Variants in ABLIM1 observed in about 807,000 individuals in gnomAD.
ABLIM1 encodes the protein actin-binding LIM protein 1.
Under a neutral mutation model 107.0 loss-of-function variants are expected in ABLIM1, and 40 were observed. That is an observed-to-expected ratio of 0.37 (90% CI 0.29 to 0.49). The LOEUF is 0.49. Ranked by LOEUF, ABLIM1 falls within the 20% of genes least tolerant of loss-of-function variation. The probability of loss-of-function intolerance (pLI) is 0.97; values close to 1 mark genes in which losing one functional copy is unlikely to be tolerated. For missense variants in ABLIM1, 857 were observed against 1,008.5 expected (o/e 0.85, Z 2.04); for synonymous variants, 357 against 357.3 (o/e 1.00, Z 0.01).
intron 1 of ABLIM1, among the ~76,000 whole-genome samples, chr10:114,742,209 C>T (rs886742837): frequency 3.3e-5 from 5 of 152,200 alleles, no homozygotes; most frequent in Admixed American, 2.6e-4. Flanking sequence ...TACTCTTTTG[C>T]GATTTTGCAT....
At chr10:114,437,816 G>T in intron 22 of ABLIM1, 28 bp downstream of exon 22, 1 of 1,592,530 alleles carries the variant, frequency 6.3e-7, no homozygotes, top group Non-Finnish European at 8.6e-7. Context: ...ATCTGCAGTT[G>T]GGACTGGATT....
chr10:114,779,544 C>T, the ABLIM1 span: 3 of 152,152 alleles, frequency 2.0e-5, no homozygotes, highest in Non-Finnish European at 2.9e-5. Flanking sequence ...TCTTTGTTTA[C>T]ATACATATAT....
intron 1 of ABLIM1, among the ~76,000 whole-genome samples, chr10:114,665,632 T>C (rs921325964): frequency 2.0e-5 from 3 of 152,214 alleles, no homozygotes; most frequent in African/African-American, 4.8e-5. Context: ...ATTCTTTCTT[T>C]AGAGTACCAG....
intron 12 of ABLIM1, chr10:114,463,286 G>A: frequency 9.5e-7 from 1 of 1,055,592 alleles, no homozygotes; most frequent in Non-Finnish European, 1.2e-6. Flanking sequence ...CGTTAATCAG[G>A]AGGCTGAAAA....
At chr10:114,704,271 G>GCT (rs1215619815) in intron 1 of ABLIM1, among the ~76,000 whole-genome samples, 750 of 40,874 alleles carry the variant, frequency 0.018, 28 homozygotes, top group Middle Eastern at 0.044. Context: ...TCTCTCTCTC[G>GCT]CTCTCTCTCT....
intron 1 of ABLIM1, among the ~76,000 whole-genome samples, chr10:114,745,938 C>T (rs1006749055): frequency 6.6e-6 from 1 of 152,168 alleles, no homozygotes; most frequent in Non-Finnish European, 1.5e-5. Flanking sequence ...GGCTCCAAAA[C>T]AGCAGAGGAG....
chr10:114,577,025 G>A (rs557938597), intron 2 of ABLIM1, among the ~76,000 whole-genome samples: 12 of 152,258 alleles, frequency 7.9e-5, no homozygotes, highest in Non-Finnish European at 1.6e-4. Context: ...GGGAACCCAC[G>A]TGTGGATTGG....
chr10:114,484,357 A>G (rs2057858808), intron 8 of ABLIM1, among the ~76,000 whole-genome samples: 2 of 152,048 alleles, frequency 1.3e-5, no homozygotes, highest in Non-Finnish European at 2.9e-5. Context: ...GCCTGTTCTC[A>G]GTTTCTTCCT....
chr10:114,547,471 G>A (rs2067503450), intron 5 of ABLIM1, 179 bp downstream of exon 5: 3 of 779,282 alleles, frequency 3.8e-6, no homozygotes, highest in South Asian at 3.9e-5. Flanking sequence ...GTTTATAGTA[G>A]CCAAGGCAAA....
Position 114,575,722 on chromosome 10 carries a change from T to C in ABLIM1, c.380-123A>G, listed in dbSNP as rs1277851013. ...CAATGGTTTGGGGCTAGGGAGGGGATGGCTACAAAGAGCTATTTATTATTG... is the reference window on the plus strand; with the variant it reads ...CAATGGTTTGGGGCTAGGGAGGGGACGGCTACAAAGAGCTATTTATTATTG... On this transcript the variant is annotated intron_variant, in intron 2 of 22. Transcript: ENST00000533213. 2.6e-5 allele frequency: 27 copies of C among 1,036,968 alleles called. No homozygotes were observed. In the Admixed American group the frequency reaches 6.7e-4, roughly 26 times the overall value. The allele number at this position is 1,036,968 out of a possible 1,614,324, so 64.2% of individuals were successfully genotyped here.
In ABLIM1 at chr10:114,657,987, C is replaced by G. The variant is rs1566190876; in HGVS notation, c.214G>C (p.Gly72Arg). ...YLCPKDYCPR[G>R]RVCNSVDPFV... Reference sequence around the variant, plus strand: ...GGATCAACGCTGTTACATACACGCCCACGTGGGCAGTAGTCCTTGGGACAG... The same window carrying G: ...GGATCAACGCTGTTACATACACGCCGACGTGGGCAGTAGTCCTTGGGACAG... The change falls in exon 1 of 23, where the codon GGG becomes CGG. Residue 72 changes from glycine (G) to arginine (R), a missense_variant. This residue lies in a region of ABLIM1 where 176 missense variants were observed against 173.5 expected (regional missense o/e 1.01). Transcript: ENST00000533213. 4 of 1,613,952 alleles carry G rather than the reference C, an allele frequency of 2.5e-6. No individual in the cohort carries two copies. The highest frequency in any genetic ancestry group is 1.7e-5 in the Admixed American group (1 of 60,012).
At chr10:114,462,039 GA>G (rs1313040582) in intron 12 of ABLIM1, among the ~76,000 whole-genome samples, 1 of 152,080 alleles carries the variant, frequency 6.6e-6, no homozygotes, top group African/African-American at 2.4e-5. Flanking sequence ...ACTGCATACT[GA>G]TAAGTACAGT....
At chr10:114,503,407 T>C (rs1166924623) in intron 6 of ABLIM1, among the ~76,000 whole-genome samples, 2 of 152,024 alleles carry the variant, frequency 1.3e-5, no homozygotes, top group African/African-American at 4.8e-5. Context: ...GCCGTGATCA[T>C]GCCACCGCCC....
At chr10:114,519,434 C>A (rs2063394594) in intron 6 of ABLIM1, among the ~76,000 whole-genome samples, 1 of 152,174 alleles carries the variant, frequency 6.6e-6, no homozygotes, top group South Asian at 2.1e-4. Flanking sequence ...CCCCGCCCAG[C>A]ACATGTTGGG....
intron 1 of ABLIM1, among the ~76,000 whole-genome samples, chr10:114,652,613 T>A (rs974102927): frequency 6.6e-6 from 1 of 152,168 alleles, no homozygotes; most frequent in Admixed American, 6.5e-5. Flanking sequence ...TCTACTTTGG[T>A]CCCTGCTCTC....
chr10:114,603,813 C>T (rs570585358), intron 1 of ABLIM1, among the ~76,000 whole-genome samples: 51 of 151,828 alleles, frequency 3.4e-4, no homozygotes, highest in African/African-American at 1.2e-3. Flanking sequence ...ATTAGCCTGG[C>T]GTGGTGGCAC....
In ABLIM1 at chr10:114,485,150, G is replaced by C. The variant is rs1043118952; in HGVS notation, c.1041+2808C>G. 9 of 526,792 alleles carry C rather than the reference G, an allele frequency of 1.7e-5. No homozygotes were observed. In the Admixed American group the frequency reaches 3.4e-4, roughly 20 times the overall value. The allele number at this position is 526,792 out of a possible 1,614,324, so 32.6% of individuals were successfully genotyped here. On this transcript the variant is annotated intron_variant, in intron 8 of 22. Coordinates refer to ENST00000533213, the MANE Select transcript of ABLIM1 (RefSeq NM_002313.7). ...TCCAAGAAGACAACAGCCAGAGTCA[G>C]TGTGAGAGGCGCTTGTGGTGTGAGA...
intron 1 of ABLIM1, among the ~76,000 whole-genome samples, chr10:114,670,588 G>A (rs2080211500): frequency 6.6e-6 from 1 of 152,144 alleles, no homozygotes. Context: ...CCGACTCCCG[G>A]CTCAAGAAAT....
At chr10:114,749,959 A>G (rs1440071840) in intron 1 of ABLIM1, among the ~76,000 whole-genome samples, 1 of 152,132 alleles carries the variant, frequency 6.6e-6, no homozygotes, top group Non-Finnish European at 1.5e-5. Context: ...AGCACCCATC[A>G]CTATCTGATA....
Sources: gnomAD v4.1 joint callset for allele counts (sites outside exome capture counted in the v4.1 genomes callset) on GRCh38, gnomAD v4.1.1 for gene constraint, gnomAD v4.1.1 regional missense constraint, MANE v1.5 for transcripts, NCBI Gene and HGNC (gene_info 2026-07-23, HGNC 2026-07-21) for gene names.